Variants in CNTNAP2 observed in about 807,000 individuals in gnomAD.
CNTNAP2 encodes the protein contactin associated protein 2, also known as contactin-associated protein-like 2.
A neutral mutation model predicts 155.2 loss-of-function variants in CNTNAP2; 98 were observed. That is an observed-to-expected ratio of 0.63 (90% CI 0.54 to 0.75). The LOEUF is 0.75. Ranked by LOEUF, CNTNAP2 falls within the 30% of genes least tolerant of loss-of-function variation. The pLI is 0.00. For missense variants in CNTNAP2, 1,727 were observed against 1,688.1 expected (o/e 1.02, Z -0.40); for synonymous variants, 651 against 631.2 (o/e 1.03, Z -0.47).
chr7:146,954,734 A>G (rs1797398159), intron 3 of CNTNAP2, among the ~76,000 whole-genome samples: 1 of 151,834 alleles, frequency 6.6e-6, no homozygotes, highest in Non-Finnish European at 1.5e-5. Context: ...CTCTATTTAA[A>G]TGTTATACTC....
intron 4 of CNTNAP2, chr7:147,085,972 T>A (rs186258662): frequency 6.6e-6 from 1 of 151,830 alleles, no homozygotes. Flanking sequence ...CCAAATAAAT[T>A]TTTCTTTAAA....
At chr7:148,147,806 TA>T in intron 17 of CNTNAP2, 97 bp downstream of exon 17, 1 of 1,229,220 alleles carries the variant, frequency 8.1e-7, no homozygotes, top group African/African-American at 1.5e-5. Context: ...CAAGGTTTGA[TA>T]TAGAGATCCT....
At chr7:147,288,966 A>G (rs1204606360) in intron 8 of CNTNAP2, among the ~76,000 whole-genome samples, 1 of 152,202 alleles carries the variant, frequency 6.6e-6, no homozygotes, top group African/African-American at 2.4e-5. Context: ...TAATGATAAA[A>G]GCTGCTACTG....
At chr7:148,250,876 C>T (rs951227128) in intron 20 of CNTNAP2, among the ~76,000 whole-genome samples, 6 of 152,180 alleles carry the variant, frequency 3.9e-5, no homozygotes, top group Non-Finnish European at 7.3e-5. Context: ...GAGTCGGAGT[C>T]TCACTCTGTC....
Position 146,878,485 on chromosome 7 carries a change from A to T in CNTNAP2, c.402+38581A>T, listed in dbSNP as rs574842763. Among the ~76,000 whole-genome samples, 252 of 151,224 alleles carry T rather than the reference A, an allele frequency of 1.7e-3. 3 individuals are homozygous for T. The highest frequency in any genetic ancestry group is 7.2e-4 in the Non-Finnish European group (49 of 67,848). The stretch of plus-strand genomic sequence containing the variant: ...ATAAGATTATACCAGCCCTATGTTT[A>T]TGTTAGAAAAGATGACCTAAGGTAG... On this transcript the variant is annotated intron_variant, in intron 3 of 23. Transcript: ENST00000361727.
intron 3 of CNTNAP2, among the ~76,000 whole-genome samples, chr7:146,842,998 T>TAAACAACCAGA (rs1803768140): frequency 1.6e-4 from 9 of 55,786 alleles, no homozygotes; most frequent in African/African-American, 8.0e-4. Flanking sequence ...CCCACACTTT[T>TAAACAACCAGA]TTTTTTTTTT....
At chr7:147,554,282 G>A (rs559999949) in intron 11 of CNTNAP2, among the ~76,000 whole-genome samples, 188 of 152,092 alleles carry the variant, frequency 1.2e-3, no homozygotes, top group Non-Finnish European at 2.3e-3. Context: ...TACCAAGAAT[G>A]GATATTGAAG....
At chr7:147,601,548 G>A (rs533937916) in intron 12 of CNTNAP2, among the ~76,000 whole-genome samples, 220 of 151,146 alleles carry the variant, frequency 1.5e-3, no homozygotes, top group African/African-American at 4.9e-3. Context: ...ATGTATACGT[G>A]CAGGTCACAG....
chr7:147,760,373 CT>C (rs1563079313), intron 13 of CNTNAP2, among the ~76,000 whole-genome samples: 1 of 152,140 alleles, frequency 6.6e-6, no homozygotes, highest in Non-Finnish European at 1.5e-5. Context: ...GTATTGCTCC[CT>C]CTTCTGCTCT....
At chr7:146,325,649 G>C (rs1344566603) in intron 1 of CNTNAP2, among the ~76,000 whole-genome samples, 1 of 151,794 alleles carries the variant, frequency 6.6e-6, no homozygotes, top group South Asian at 2.1e-4. Context: ...GATTAAATAT[G>C]AATATGGAGG....
chr7:147,337,519 G>A (rs1157575971), intron 9 of CNTNAP2, among the ~76,000 whole-genome samples: 7 of 152,100 alleles, frequency 4.6e-5, no homozygotes. Flanking sequence ...CTGCAGTGCT[G>A]TGTGTCTTCT....
chr7:146,408,618 T>C (rs1268619294), intron 1 of CNTNAP2, among the ~76,000 whole-genome samples: 1 of 95,772 alleles, frequency 1.0e-5, no homozygotes. Context: ...CACCAGGGCC[T>C]GTCATGGGGT....
At chr7:146,953,659 C>T (rs577749412) in intron 3 of CNTNAP2, among the ~76,000 whole-genome samples, 232 of 151,786 alleles carry the variant, frequency 1.5e-3, no homozygotes, top group Middle Eastern at 6.8e-3. Flanking sequence ...TTTTACTGGC[C>T]CCCAAATGGC....
chr7:146,330,501 A>G (rs1563041404), intron 1 of CNTNAP2, among the ~76,000 whole-genome samples: 3 of 152,188 alleles, frequency 2.0e-5, no homozygotes, highest in Middle Eastern at 3.2e-3. Context: ...TCAAGTGGTG[A>G]TAAGTGCTAT....
intron 3 of CNTNAP2, among the ~76,000 whole-genome samples, chr7:146,842,642 T>G (rs1803751196): frequency 6.6e-6 from 1 of 152,060 alleles, no homozygotes; most frequent in African/African-American, 2.4e-5. Flanking sequence ...CAGGCATGTC[T>G]TACATGCCGG....
At chr7:148,387,028 GGA>G (rs1273806677) in intron 22 of CNTNAP2, among the ~76,000 whole-genome samples, 5 of 152,154 alleles carry the variant, frequency 3.3e-5, no homozygotes, top group Non-Finnish European at 7.3e-5. Context: ...AAACTTCCCT[GGA>G]GAGAGGACTT....
chr7:146,282,096 T>A (rs767639361), intron 1 of CNTNAP2, among the ~76,000 whole-genome samples: 7 of 152,228 alleles, frequency 4.6e-5, no homozygotes, highest in Admixed American at 6.5e-5. Flanking sequence ...TCTCCACAGA[T>A]GTATGTTCAT....
chr7:148,154,386 A>G (rs898476243), intron 17 of CNTNAP2, among the ~76,000 whole-genome samples: 2 of 152,206 alleles, frequency 1.3e-5, no homozygotes, highest in Admixed American at 1.3e-4. Flanking sequence ...CTGAAATGTT[A>G]TAACCATTCT....
intron 10 of CNTNAP2, among the ~76,000 whole-genome samples, chr7:147,422,477 C>T (rs755983993): frequency 1.3e-5 from 2 of 151,898 alleles, no homozygotes; most frequent in Non-Finnish European, 2.9e-5. Context: ...CAATTTTTTA[C>T]TCTGCTATTA....
Sources: allele counts gnomAD v4.1 joint callset (sites outside exome capture counted in the v4.1 genomes callset), GRCh38; gene constraint gnomAD v4.1.1; transcripts MANE v1.5; gene names NCBI Gene and HGNC (gene_info 2026-07-23, HGNC 2026-07-21).